The following HVCN1 variants were observed in gnomAD, a reference collection of about 807,000 sequenced individuals.
HVCN1 encodes the protein voltage-gated hydrogen channel 1.
A neutral mutation model predicts 29.2 loss-of-function variants in HVCN1; 14 were observed. That is an observed-to-expected ratio of 0.48 (90% CI 0.32 to 0.75). The LOEUF (loss-of-function observed/expected upper bound fraction) is 0.75. HVCN1 is among the 30% of genes least tolerant of loss of function. The probability of loss-of-function intolerance (pLI) is 0.04; values close to 1 mark genes in which losing one functional copy is unlikely to be tolerated. For synonymous variants in HVCN1, 131 were observed against 133.2 expected (o/e 0.98, Z 0.11); for missense variants, 263 against 341.8 (o/e 0.77, Z 1.82).
In HVCN1 at chr12:110,661,541, TGGTCCCG is replaced by T; in HGVS notation, c.22-100_22-94del. 1 of 1,216,926 alleles carries T rather than the reference TGGTCCCG, an allele frequency of 8.2e-7. No homozygotes were observed. Among genetic ancestry groups the T allele is most frequent in the Non-Finnish European group, 1.2e-6 (1 of 865,370 alleles). 75.4% of individuals were successfully genotyped at this position (1,216,926 alleles called of 1,614,324 possible). A position where few individuals can be genotyped will look rare whatever the true frequency, so the allele number is the denominator to read the frequency against. ...CGGGCCAGGCCACTGCAGGTGAAGA[TGGTCCCG>T]GGTGCGTAGAACCCCCTGCAAGCAG... On this transcript the variant is annotated intron_variant, in intron 3 of 7. Transcript: ENST00000242607. The surrounding 1 kb of genome is among the most constrained non-coding windows in gnomAD (Gnocchi z 6.2).
intron 2 of HVCN1, among the ~76,000 whole-genome samples, chr12:110,696,898 G>A (rs1378185002): frequency 1.3e-5 from 2 of 152,054 alleles, no homozygotes; most frequent in Non-Finnish European, 2.9e-5. Flanking sequence ...TAGATTATAG[G>A]GAAGATAAAA....
intron 2 of HVCN1, among the ~76,000 whole-genome samples, chr12:110,701,426 G>A (rs931014860): frequency 1.3e-5 from 2 of 152,130 alleles, no homozygotes; most frequent in Non-Finnish European, 2.9e-5. Flanking sequence ...CAGAATCTTG[G>A]GCAGTGAGGC....
In HVCN1 at chr12:110,661,224, G is replaced by C; in HGVS notation, c.246C>G (p.Pro82=). 6.2e-7 allele frequency: 1 copy of C among 1,613,892 alleles called. No individual in the cohort carries two copies. Among genetic ancestry groups the C allele is most frequent in the Non-Finnish European group, 8.5e-7 (1 of 1,179,794 alleles). Residue 82 remains proline, a synonymous_variant, in exon 4 of 8, where the codon CCC becomes CCG. Coordinates refer to ENST00000242607, the MANE Select transcript of HVCN1 (RefSeq NM_032369.4). This position sits in a 1 kb window ranked among gnomAD's most constrained non-coding sequence, Gnocchi z 6.2. ...TGCCCCTGAAGTCAAGGGGGGCCCT[G>C]GGTGCGGGGCCAGGGGCAGGGGCAA... The part of the protein sequence containing the change: ...PDVAPAPGPA[P]RAPLDFRGML...
intron 7 of HVCN1, 110 bp from the exon 8 acceptor site, chr12:110,649,585 T>C (rs1001962491): frequency 5.0e-6 from 4 of 793,660 alleles, no homozygotes; most frequent in Non-Finnish European, 8.6e-6. Flanking sequence ...GAATGAAAGC[T>C]ACGCTGTTTG....
At position 110,661,118 on chromosome 12, in the gene HVCN1, G is replaced by A. The variant is rs1339875099; in HGVS notation, c.306+46C>T. On this transcript the variant is annotated intron_variant, in intron 4 of 7. Transcript: ENST00000242607. The surrounding 1 kb of genome is among the most constrained non-coding windows in gnomAD (Gnocchi z 6.2). ...GGCCGCCTGCCTCACATTCCCCGAT[G>A]GCTCTCCTGCCAGCTCTGGGTATCC... 3.2e-6 allele frequency: 5 copies of A among 1,539,010 alleles called. No homozygotes were observed. In the Admixed American group the frequency reaches 9.7e-5, roughly 30 times the overall value.
chr12:110,679,838 C>T (rs796827312), intron 3 of HVCN1, among the ~76,000 whole-genome samples: 11 of 147,452 alleles, frequency 7.5e-5, no homozygotes, highest in African/African-American at 1.5e-4. Flanking sequence ...CCGGCCTGGG[C>T]GACAGAGCGA....
intron 5 of HVCN1, among the ~76,000 whole-genome samples, chr12:110,654,539 C>T (rs1303230576): frequency 7.2e-6 from 1 of 139,676 alleles, no homozygotes; most frequent in South Asian, 2.2e-4. Flanking sequence ...AGTGCAGTGG[C>T]GCTATCTCGG....
intron 3 of HVCN1, among the ~76,000 whole-genome samples, chr12:110,665,446 C>T (rs945293386): frequency 1.3e-5 from 2 of 151,566 alleles, no homozygotes; most frequent in African/African-American, 4.9e-5. Flanking sequence ...ATCCCAGCTA[C>T]TTGGGAGGCT....
intron 2 of HVCN1, among the ~76,000 whole-genome samples, chr12:110,701,545 C>G (rs2069564072): frequency 6.6e-6 from 1 of 152,110 alleles, no homozygotes. Context: ...CAGAGCCTGC[C>G]ACCAACTTGG....
upstream of HVCN1, among the ~76,000 whole-genome samples, chr12:110,693,698 G>C (rs2069448068): frequency 6.6e-6 from 1 of 152,062 alleles, no homozygotes; most frequent in African/African-American, 2.4e-5. Flanking sequence ...TGAGCCAGCT[G>C]TTCTTATAGT....
chr12:110,655,705 GTTT>G (rs150136698), intron 4 of HVCN1, among the ~76,000 whole-genome samples: 5 of 136,372 alleles, frequency 3.7e-5, no homozygotes, highest in Admixed American at 7.4e-5. Flanking sequence ...CAAATAATCA[GTTT>G]TTTTTTTTTT....
chr12:110,648,797 T>A lies in HVCN1; in HGVS notation c.*613A>T. The A allele has an allele frequency of 3.4e-6, 1 of 296,350 alleles. No individual in the cohort carries two copies. The highest frequency in any genetic ancestry group is 5.3e-5 in the Admixed American group (1 of 18,778). 18.4% of individuals were successfully genotyped at this position (296,350 alleles called of 1,614,324 possible). ...AGGAGGGTCCAGGGAAAAGAGAGAG[T>A]TTATTTTATACAGTAGTTGTTTTAT... On this transcript the variant is annotated 3_prime_UTR_variant, in exon 8 of 8. Coordinates refer to ENST00000242607, the MANE Select transcript of HVCN1 (RefSeq NM_032369.4).
intron 4 of HVCN1, among the ~76,000 whole-genome samples, chr12:110,660,323 G>A (rs541262833): frequency 2.0e-5 from 3 of 152,146 alleles, no homozygotes; most frequent in Non-Finnish European, 4.4e-5. Context: ...AGTTCCCTTC[G>A]CTCGTCTGTG....
intron 4 of HVCN1, among the ~76,000 whole-genome samples, chr12:110,657,060 A>G (rs2068013618): frequency 6.6e-6 from 1 of 152,228 alleles, no homozygotes; most frequent in Non-Finnish European, 1.5e-5. Context: ...GCAGACAGAC[A>G]AGATCACACA....
intron 6 of HVCN1, among the ~76,000 whole-genome samples, 155 bp downstream of exon 6, chr12:110,651,045 TAAAGGGCTGAAGAGGAA>T (rs1391936146): frequency 6.6e-6 from 1 of 151,956 alleles, no homozygotes; most frequent in African/African-American, 2.4e-5. Flanking sequence ...AACCAGCTCC[TAAAGGGCTGAAGAGGAA>T]GAAGGGAGGA....
Position 110,661,427 on chromosome 12 carries a change from C to T in HVCN1, c.43G>A (p.Val15Met), listed in dbSNP as rs1357398824. The T allele has an allele frequency of 2.5e-6, 4 of 1,614,152 alleles. No homozygotes were observed. The highest frequency in any genetic ancestry group is 2.2e-5 in the East Asian group (1 of 44,884). The change falls in exon 4 of 8, where the codon GTG becomes ATG. Residue 15 changes from valine (V) to methionine (M), a missense_variant. By Grantham distance (21) the Val-to-Met change is conservative. Around this residue, in one of 3 missense-constraint regions of HVCN1, gnomAD observed 157 missense variants for 181.3 expected, o/e 0.87. Coordinates refer to ENST00000242607, the MANE Select transcript of HVCN1 (RefSeq NM_032369.4). This position sits in a 1 kb window ranked among gnomAD's most constrained non-coding sequence, Gnocchi z 6.2. ...DEKAVTRRAK[V>M]APAERMSKFL... ...TTGCTCATCCTCTCAGCGGGAGCCA[C>T]CTTGGCCCTGCGGGTGACTGCCTAG...
chr12:110,652,318 G>A (rs1053250686), intron 5 of HVCN1, among the ~76,000 whole-genome samples: 4 of 152,160 alleles, frequency 2.6e-5, no homozygotes, highest in African/African-American at 4.8e-5. Context: ...GCTTGAACAC[G>A]GAGGAGAGGT....
intron 3 of HVCN1, among the ~76,000 whole-genome samples, chr12:110,679,713 C>T (rs1472648056): frequency 1.3e-5 from 2 of 152,056 alleles, no homozygotes; most frequent in South Asian, 2.1e-4. Context: ...ATTAGCTGGG[C>T]GCGGTGGCGG....
chr12:110,699,310 G>A (rs969955982), intron 2 of HVCN1, among the ~76,000 whole-genome samples: 14 of 152,190 alleles, frequency 9.2e-5, no homozygotes, highest in African/African-American at 3.4e-4. Context: ...TTCCTGCCAA[G>A]GGGTGGGCCT....
Sources: gnomAD v4.1 joint callset for allele counts (sites outside exome capture counted in the v4.1 genomes callset) on GRCh38, gnomAD v4.1.1 for gene constraint, gnomAD v4.1.1 regional missense constraint, Gnocchi (gnomAD v3.1) non-coding constraint, MANE v1.5 for transcripts, NCBI Gene and HGNC (gene_info 2026-07-23, HGNC 2026-07-21) for gene names.